Variants in HYDIN observed in about 807,000 individuals in gnomAD.
HYDIN encodes axonemal central pair apparatus protein HYDIN.
Under a neutral mutation model 403.9 loss-of-function variants are expected in HYDIN, and 132 were observed. The observed-to-expected ratio is 0.33, with a 90% CI of 0.28 to 0.38. HYDIN has a LOEUF of 0.38. HYDIN is among the 10% of genes least tolerant of loss of function. The pLI, the probability that HYDIN is intolerant of heterozygous loss-of-function variation, is 1.00. For synonymous variants in HYDIN, 1,202 were observed against 1,891.7 expected, an observed-to-expected ratio of 0.64 and a Z score of 9.46; for missense variants, 2,827 against 5,009.5, an observed-to-expected ratio of 0.56 and a Z score of 13.15.
intron 10 of HYDIN, chr16:71,113,766 T>A (rs1185507251): frequency 6.6e-6 from 1 of 152,152 alleles, no homozygotes; most frequent in Non-Finnish European, 1.5e-5. Flanking sequence ...ATTAAGTTTT[T>A]AATTTTTTGT....
rs2083363882 is a variant in HYDIN, at chr16:71,098,742, A to C, written c.1328-4807T>G. On this transcript the variant is annotated intron_variant, in intron 10 of 85. Transcript: ENST00000393567. The stretch of plus-strand genomic sequence containing the variant: ...CCTTGACTGCCTTTCTTAAAAAAAA[A>C]AAAAAAAAAAAAAAGGAGATGTGTT... 2.6e-5 allele frequency among the ~76,000 whole-genome samples: 4 copies of C among 151,320 alleles called. No individual in the cohort carries two copies. In the South Asian group the frequency reaches 8.3e-4, roughly 31 times the overall value.
intron 13 of HYDIN, among the ~76,000 whole-genome samples, chr16:71,071,917 A>G (rs1284289729): frequency 6.6e-6 from 1 of 152,204 alleles, no homozygotes; most frequent in East Asian, 1.9e-4. Flanking sequence ...GTAAAGTAAA[A>G]ATCTCCACAA....
intron 58 of HYDIN, among the ~76,000 whole-genome samples, chr16:70,886,671 A>G (rs1429637446): frequency 6.6e-6 from 1 of 152,200 alleles, no homozygotes; most frequent in African/African-American, 2.4e-5. Context: ...TCCCTGAGAA[A>G]TATTTTTGCT....
chr16:70,948,700 T>C (rs1182818942), intron 41 of HYDIN, among the ~76,000 whole-genome samples: 1 of 151,500 alleles, frequency 6.6e-6, no homozygotes, highest in Non-Finnish European at 1.5e-5. Flanking sequence ...AAAAAACACA[T>C]GAAAAAATGC....
At chr16:70,876,018 A>AT (rs978166344) in intron 62 of HYDIN, among the ~76,000 whole-genome samples, 1 of 152,028 alleles carries the variant, frequency 6.6e-6, no homozygotes. Flanking sequence ...ATATAAAAAA[A>AT]TTTTTTTTAA....
At chr16:71,179,135 A>G (rs1192569637) in intron 3 of HYDIN, 88 bp from the exon 4 acceptor site, 1 of 945,298 alleles carries the variant, frequency 1.1e-6, no homozygotes, top group East Asian at 2.5e-5. Flanking sequence ...AGACCTGTGG[A>G]TATTAAAACT....
chr16:70,811,348 G>A (rs1057490821), intron 84 of HYDIN: 1 of 153,260 alleles, frequency 6.5e-6, no homozygotes, highest in Non-Finnish European at 1.5e-5. Context: ...GAGGCAGGAG[G>A]AGGCCTTGAT....
chr16:71,137,674 G>A (rs1249926843), intron 7 of HYDIN, among the ~76,000 whole-genome samples: 1 of 151,994 alleles, frequency 6.6e-6, no homozygotes, highest in Admixed American at 6.5e-5. Flanking sequence ...GAGCAATCGA[G>A]TTATAGAATT....
intron 41 of HYDIN, among the ~76,000 whole-genome samples, chr16:70,951,293 A>G (rs12051072): frequency 6.6e-6 from 1 of 151,882 alleles, no homozygotes; most frequent in African/African-American, 2.4e-5. Flanking sequence ...AGAGAGGGAG[A>G]GAGAGAGAGA....
Position 71,150,505 on chromosome 16 carries a change from G to A in HYDIN, c.841+2154C>T, listed in dbSNP as rs577294246. On this transcript the variant is annotated intron_variant, in intron 7 of 85. Transcript: ENST00000393567. Reference sequence around the variant, plus strand: ...GGAAAACAGCAAATAATGCATATGGGGAAACAATGACACACGGCCTCTACA... The same window carrying A: ...GGAAAACAGCAAATAATGCATATGGAGAAACAATGACACACGGCCTCTACA... 1.2e-4 allele frequency among the ~76,000 whole-genome samples: 19 copies of A among 152,010 alleles called. No individual in the cohort carries two copies. In the South Asian group the frequency reaches 4.0e-3, roughly 32 times the overall value.
intron 13 of HYDIN, among the ~76,000 whole-genome samples, chr16:71,077,430 A>G (rs926570593): frequency 2.2e-4 from 34 of 152,196 alleles, no homozygotes; most frequent in Non-Finnish European, 7.4e-5. Flanking sequence ...ATATTTAAAA[A>G]TCTACTTTTT....
chr16:70,821,473 T>C (rs1300837987), intron 83 of HYDIN, among the ~76,000 whole-genome samples: 2 of 152,140 alleles, frequency 1.3e-5, no homozygotes, highest in Non-Finnish European at 2.9e-5. Context: ...AAAGAATTTT[T>C]AGATGGACTG....
Position 70,978,932 on chromosome 16 carries a change from T to C in HYDIN, c.4620A>G (p.Pro1540=). The C allele has an allele frequency of 2.5e-6, 4 of 1,613,892 alleles. No homozygotes were observed. The highest frequency in any genetic ancestry group is 2.2e-5 in the East Asian group (1 of 44,866). Residue 1540 remains proline, a synonymous_variant, in exon 30 of 86, where the codon CCA becomes CCG. Transcript: ENST00000393567. ...GTCTTACCTCAGCAGGCTCGTCTTC[T>C]GGCACTTCCTCAGTTATTATGTCAA... The part of the protein sequence containing the change: ...DHFDIITEEV[P]EDEPAEVSAH...
intron 46 of HYDIN, among the ~76,000 whole-genome samples, chr16:70,919,505 A>C (rs1164756857): frequency 3.9e-5 from 6 of 152,242 alleles, no homozygotes; most frequent in Non-Finnish European, 8.8e-5. Context: ...CATGGATTGC[A>C]GGGATGACTC....
At chr16:70,850,748 G>A (rs2038583987) in intron 73 of HYDIN, 93 bp from the exon 74 acceptor site, 6 of 1,272,768 alleles carry the variant, frequency 4.7e-6, no homozygotes, top group African/African-American at 1.5e-5. Flanking sequence ...GATTCACTAC[G>A]AGGAAAAGGA....
chr16:71,028,249 T>C (rs1359177500), intron 19 of HYDIN, among the ~76,000 whole-genome samples: 2 of 152,116 alleles, frequency 1.3e-5, no homozygotes, highest in African/African-American at 2.4e-5. Context: ...AGAAAATTAC[T>C]AGTGACTGAG....
At chr16:71,089,589 A>G (rs111772103) in intron 11 of HYDIN, among the ~76,000 whole-genome samples, 2,053 of 148,516 alleles carry the variant, frequency 0.014, 16 homozygotes, top group Non-Finnish European at 0.018. Flanking sequence ...GACAGAGGTC[A>G]GGAGAGTAAG....
At chr16:71,019,729 T>C (rs2080408264) in intron 22 of HYDIN, among the ~76,000 whole-genome samples, 1 of 152,216 alleles carries the variant, frequency 6.6e-6, no homozygotes, top group South Asian at 2.1e-4. Flanking sequence ...AATTTCACAA[T>C]ACATTATTTC....
chr16:71,042,281 G>A (rs561207267), intron 18 of HYDIN, among the ~76,000 whole-genome samples: 4 of 152,274 alleles, frequency 2.6e-5, no homozygotes, highest in Middle Eastern at 3.4e-3. Context: ...CCCATTGCAC[G>A]AATCCTTACC....
Sources: gnomAD v4.1 joint callset for allele counts (sites outside exome capture counted in the v4.1 genomes callset) on GRCh38, gnomAD v4.1.1 for gene constraint, MANE v1.5 for transcripts, NCBI Gene and HGNC (gene_info 2026-07-23, HGNC 2026-07-21) for gene names.